The following SLC45A3 variants were observed in gnomAD, a reference collection of about 807,000 sequenced individuals.
SLC45A3 encodes the protein prostate cancer associated protein 2.
A neutral mutation model predicts 35.3 loss-of-function variants in SLC45A3; 17 were observed. The observed-to-expected ratio is 0.48, with a 90% confidence interval of 0.33 to 0.72. The LOEUF is 0.72. Ranked by LOEUF, SLC45A3 falls within the 30% of genes least tolerant of loss-of-function variation. The pLI, the probability that SLC45A3 is intolerant of heterozygous loss-of-function variation, is 0.02. For synonymous variants in SLC45A3, 288 were observed against 334.3 expected (o/e 0.86, Z 1.51); for missense variants, 597 against 731.7 (o/e 0.82, Z 2.12).
chr1:205,661,595 G>C (rs1385800866), intron 4 of SLC45A3, among the ~76,000 whole-genome samples: 1 of 152,072 alleles, frequency 6.6e-6, no homozygotes, highest in Non-Finnish European at 1.5e-5. Flanking sequence ...CTGACCCTTC[G>C]GGATTCCCAC....
rs750023945 is a variant in SLC45A3, at chr1:205,659,202, C to T, written c.*32G>A. 1.6e-5 allele frequency: 25 copies of T among 1,570,202 alleles called. No homozygotes were observed. Among genetic ancestry groups the T allele is most frequent in the Non-Finnish European group, 3.5e-6 (4 of 1,155,330 alleles). Reference sequence around the variant, plus strand: ...AGCGGGGAGCTGGGACCCAGTGAGGCAGGCCCTCCACCCCAATGTGCTGGA... The same window carrying T: ...AGCGGGGAGCTGGGACCCAGTGAGGTAGGCCCTCCACCCCAATGTGCTGGA... On this transcript the variant is annotated 3_prime_UTR_variant, in exon 5 of 5. Transcript: ENST00000367145. This position sits in a 1 kb window ranked among gnomAD's most constrained non-coding sequence, Gnocchi z 5.8.
intron 1 of SLC45A3, among the ~76,000 whole-genome samples, chr1:205,679,691 C>T (rs898626022): frequency 1.4e-5 from 2 of 143,126 alleles, no homozygotes; most frequent in Non-Finnish European, 3.1e-5. Context: ...CAGTAACACA[C>T]ACACACACAC....
chr1:205,668,400 G>A (rs941989650), intron 1 of SLC45A3, among the ~76,000 whole-genome samples: 4 of 152,112 alleles, frequency 2.6e-5, no homozygotes, highest in Non-Finnish European at 5.9e-5. Context: ...CAGAGAACAA[G>A]AAGTCTTTCA....
Position 205,663,533 on chromosome 1 carries a change from C to A in SLC45A3, c.258G>T (p.Arg86=). ...DHWRGRYGRR[R]PFIWALSLGI... ...CCAAGGACAGTGCCCAGATGAAGGG[C>A]CGGCGGCGGCCATAGCGTCCACGCC... Residue 86 remains arginine, a synonymous_variant, in exon 3 of 5, where the codon CGG becomes CGT. Transcript: ENST00000367145. 4 of 1,612,952 alleles carry A rather than the reference C, an allele frequency of 2.5e-6. No homozygotes were observed. Among genetic ancestry groups the A allele is most frequent in the African/African-American group, 1.3e-5 (1 of 75,052 alleles).
In SLC45A3 at chr1:205,659,209, T is replaced by C; in HGVS notation, c.*25A>G. 9 of 1,579,152 alleles carry C rather than the reference T, an allele frequency of 5.7e-6. No individual in the cohort carries two copies. Among genetic ancestry groups the C allele is most frequent in the Non-Finnish European group, 7.8e-6 (9 of 1,160,000 alleles). ...AGCTGGGACCCAGTGAGGCAGGCCC[T>C]CCACCCCAATGTGCTGGAAGTTTTC... On this transcript the variant is annotated 3_prime_UTR_variant, in exon 5 of 5. Coordinates refer to ENST00000367145, the MANE Select transcript of SLC45A3 (RefSeq NM_033102.3). This position sits in a 1 kb window ranked among gnomAD's most constrained non-coding sequence, Gnocchi z 5.8.
intron 1 of SLC45A3, among the ~76,000 whole-genome samples, chr1:205,670,631 C>T (rs1671195639): frequency 1.3e-5 from 2 of 152,206 alleles, no homozygotes; most frequent in African/African-American, 4.8e-5. Flanking sequence ...GCTGCCTTTT[C>T]TTCACCGTTA....
At chr1:205,678,224 G>A (rs992596168) in intron 1 of SLC45A3, among the ~76,000 whole-genome samples, 1 of 152,198 alleles carries the variant, frequency 6.6e-6, no homozygotes, top group Non-Finnish European at 1.5e-5. Context: ...GGCTGAGGGA[G>A]GAGAATCACT....
rs141274901 is a variant in SLC45A3, at chr1:205,663,584, C to G, written c.207G>C (p.Pro69=). 6.2e-7 allele frequency: 1 copy of G among 1,607,394 alleles called. No individual in the cohort carries two copies. The highest frequency in any genetic ancestry group is 1.7e-5 in the Admixed American group (1 of 59,526). The change falls in exon 3 of 5, where the codon CCG becomes CCC. Residue 69 remains proline, a synonymous_variant. Coordinates refer to ENST00000367145, the MANE Select transcript of SLC45A3 (RefSeq NM_033102.3). The part of the protein sequence containing the change: ...IGPVLGLVCV[P]LLGSASDHWR... ...AGTGGTCACTGGCTGAGCCTAGGAG[C>G]GGGACACAGACCAGGCCCAGCACTG...
At position 205,664,848 on chromosome 1, in the gene SLC45A3, T is replaced by C; in HGVS notation, c.-192A>G. The C allele has an allele frequency of 7.0e-7, 1 of 1,422,864 alleles. No homozygotes were observed. The allele number at this position is 1,422,864 out of a possible 1,614,324, so 88.1% of individuals were successfully genotyped here. A position where few individuals can be genotyped will look rare whatever the true frequency, so the allele number is the denominator to read the frequency against. On this transcript the variant is annotated 5_prime_UTR_variant, in exon 2 of 5. Coordinates refer to ENST00000367145, the MANE Select transcript of SLC45A3 (RefSeq NM_033102.3). The surrounding 1 kb of genome is among the most constrained non-coding windows in gnomAD (Gnocchi z 5.3). ...AGCCCATGCTCAACACCTGCTGCTG[T>C]GGGGCACCTCAGTGGGGACACGTCT... is the stretch of plus-strand genomic sequence containing the variant.
Position 205,662,315 on chromosome 1 carries a change from G to A in SLC45A3, c.959-189C>T, listed in dbSNP as rs1453564011. 3.5e-6 allele frequency: 5 copies of A among 1,423,296 alleles called. No homozygotes were observed. The highest frequency in any genetic ancestry group is 4.6e-6 in the Non-Finnish European group (5 of 1,093,038). 88.2% of individuals were successfully genotyped at this position (1,423,296 alleles called of 1,614,324 possible). ...CTAGGTTCTTCCACTGACCCTCAGA[G>A]AATGTGGGCAACGCCCCTTGCTGAA... is the stretch of plus-strand genomic sequence containing the variant. On this transcript the variant is annotated intron_variant, in intron 3 of 4. Transcript: ENST00000367145. This position sits in a 1 kb window ranked among gnomAD's most constrained non-coding sequence, Gnocchi z 6.2.
intron 1 of SLC45A3, among the ~76,000 whole-genome samples, chr1:205,665,748 G>A (rs1224170403): frequency 6.6e-6 from 1 of 152,194 alleles, no homozygotes; most frequent in Non-Finnish European, 1.5e-5. Context: ...ATTTTCAGCA[G>A]AGAAGTCCCA....
At chr1:205,680,373 G>C (rs1270953866) in intron 1 of SLC45A3, 21 bp downstream of exon 1, 3 of 151,868 alleles carry the variant, frequency 2.0e-5, no homozygotes, top group Admixed American at 1.3e-4. Flanking sequence ...ACCCCTGGGA[G>C]AGGAGGGGGC....
Position 205,661,930 on chromosome 1 carries a change from G to A in SLC45A3, c.1155C>T (p.Thr385=), listed in dbSNP as rs16856106. The part of the protein sequence containing the change: ...VAVVTASAAL[T]GFTFSALQIL... Reference sequence around the variant, plus strand: ...TCTGCAGGGCTGAGAAGGTGAACCCGGTGAGGGCGGCTGAAGCTGTCACCA... The same window carrying A: ...TCTGCAGGGCTGAGAAGGTGAACCCAGTGAGGGCGGCTGAAGCTGTCACCA... The change falls in exon 4 of 5, where the codon ACC becomes ACT. Residue 385 remains threonine (T), a synonymous_variant. Coordinates refer to ENST00000367145, the MANE Select transcript of SLC45A3 (RefSeq NM_033102.3). 0.019 allele frequency: 30,611 copies of A among 1,614,152 alleles called. 362 individuals are homozygous for A. Among genetic ancestry groups the A allele is most frequent in the Middle Eastern group, 0.032 (191 of 6,062 alleles).
At chr1:205,663,715 C>T (rs752824348) in intron 2 of SLC45A3, 97 bp from the exon 3 acceptor site, 85 of 1,222,938 alleles carry the variant, frequency 7.0e-5, no homozygotes, top group Non-Finnish European at 9.1e-5. Flanking sequence ...AATAACATTC[C>T]GTACTCGACA....
rs760135893 is a variant in SLC45A3 at position 205,663,547 on chromosome 1, A to G, written c.244T>C (p.Tyr82His). 4.3e-6 allele frequency: 7 copies of G among 1,612,692 alleles called. No individual in the cohort carries two copies. The South Asian group carries it at 6.6e-5, about 15-fold the overall frequency. Residue 82 changes from tyrosine to histidine, a missense_variant, in exon 3 of 5, where the codon TAT (tyrosine) becomes CAT (histidine). Transcript: ENST00000367145. ...CAGATGAAGGGCCGGCGGCGGCCAT[A>G]GCGTCCACGCCAGTGGTCACTGGCT... ...GSASDHWRGRYGRRRPFIWAL... is the reference protein window; with the variant it reads ...GSASDHWRGRHGRRRPFIWAL...
chr1:205,671,379 A>T (rs889101558), intron 1 of SLC45A3, among the ~76,000 whole-genome samples: 1 of 152,158 alleles, frequency 6.6e-6, no homozygotes, highest in Non-Finnish European at 1.5e-5. Flanking sequence ...TTCAACCTGG[A>T]GCTCTCTTCC....
chr1:205,659,180 G>C lies in SLC45A3; in HGVS notation c.*54C>G, dbSNP rs17347787. Reference sequence around the variant, plus strand: ...GCAGCCCCATGGGGCTAACAGGAGCGGGGAGCTGGGACCCAGTGAGGCAGG... The same window carrying C: ...GCAGCCCCATGGGGCTAACAGGAGCCGGGAGCTGGGACCCAGTGAGGCAGG... On this transcript the variant is annotated 3_prime_UTR_variant, in exon 5 of 5. Transcript: ENST00000367145. This position sits in a 1 kb window ranked among gnomAD's most constrained non-coding sequence, Gnocchi z 5.8. 1.2e-5 allele frequency: 18 copies of C among 1,537,652 alleles called. No homozygotes were observed. Among genetic ancestry groups the C allele is most frequent in the Admixed American group, 3.8e-5 (2 of 53,000 alleles).
intron 1 of SLC45A3, among the ~76,000 whole-genome samples, chr1:205,676,753 T>C (rs940942632): frequency 6.6e-6 from 1 of 152,064 alleles, no homozygotes; most frequent in Non-Finnish European, 1.5e-5. Context: ...ATCAGGAGCA[T>C]CCCGTGATGG....
At position 205,663,323 on chromosome 1, in the gene SLC45A3, G is replaced by C; in HGVS notation, c.468C>G (p.His156Gln). Reference protein sequence around the residue: ...LLSDLFRDPDHCRQAYSVYAF... With the variant: ...LLSDLFRDPDQCRQAYSVYAF... ...CATAGACAGAGTAGGCCTGGCGACA[G>C]TGGTCCGGGTCCCGGAAGAGGTCAG... The change falls in exon 3 of 5, where the codon CAC (histidine) becomes CAG (glutamine). Residue 156 changes from histidine (H) to glutamine (Q), a missense_variant. Physicochemically the swap from His to Gln is conservative, Grantham distance 24. Coordinates refer to ENST00000367145, the MANE Select transcript of SLC45A3 (RefSeq NM_033102.3). 2 of 1,613,438 alleles carry C rather than the reference G, an allele frequency of 1.2e-6. No homozygotes were observed. Among genetic ancestry groups the C allele is most frequent in the Non-Finnish European group, 1.7e-6 (2 of 1,180,036 alleles).
Sources: allele counts gnomAD v4.1 joint callset (sites outside exome capture counted in the v4.1 genomes callset), GRCh38; gene constraint gnomAD v4.1.1; non-coding constraint Gnocchi (gnomAD v3.1); transcripts MANE v1.5; gene names NCBI Gene and HGNC (gene_info 2026-07-23, HGNC 2026-07-21).